QRSL1: variants seen among roughly 807,000 people sequenced by gnomAD.
The protein encoded by QRSL1 is glutamyl-tRNA(Gln) amidotransferase subunit A, mitochondrial.
QRSL1 carries 54 observed loss-of-function variants against 61.6 expected under a neutral mutation model. The observed-to-expected ratio is 0.88, with a 90% CI of 0.70 to 1.10. The LOEUF (loss-of-function observed/expected upper bound fraction) is 1.10. QRSL1 is among the 50% of genes least tolerant of loss of function. The pLI, the probability that QRSL1 is intolerant of heterozygous loss-of-function variation, is 0.00. For missense variants in QRSL1, 505 were observed against 622.6 expected, an observed-to-expected ratio of 0.81 and a Z score of 2.01; for synonymous variants, 228 against 225.7, an observed-to-expected ratio of 1.01 and a Z score of -0.09.
chr6:106,639,136 T>TTTG (rs1562165156), intron 1 of QRSL1, among the ~76,000 whole-genome samples: 1 of 84,644 alleles, frequency 1.2e-5, no homozygotes, highest in Admixed American at 1.1e-4. Flanking sequence ...TTTTTTTTTT[T>TTTG]TTTTTTTTTT....
intron 9 of QRSL1, among the ~76,000 whole-genome samples, chr6:106,656,122 T>G (rs542736872): frequency 1.3e-5 from 2 of 152,240 alleles, no homozygotes; most frequent in Non-Finnish European, 2.9e-5. Context: ...AATCTAGGGA[T>G]AATTTTAAAC....
At position 106,666,982 on chromosome 6, in the gene QRSL1, C is replaced by T. The variant is rs553782703; in HGVS notation, c.*980C>T. On this transcript the variant is annotated 3_prime_UTR_variant, in exon 11 of 11. Coordinates refer to ENST00000369046, the MANE Select transcript of QRSL1 (RefSeq NM_018292.5). ...GAGTTACAATTTTACTTCTGCTATT[C>T]CGGAGCCCATGCCTAGAAGCCAGAA... 7.9e-5 allele frequency: 12 copies of T among 152,292 alleles called. No individual in the cohort carries two copies. In the South Asian group the frequency reaches 2.3e-3, roughly 29 times the overall value. The allele number at this position is 152,292 out of a possible 1,614,324, so 9.4% of individuals were successfully genotyped here.
At chr6:106,647,712 G>T (rs55978084) in intron 4 of QRSL1, among the ~76,000 whole-genome samples, 3 of 128,628 alleles carry the variant, frequency 2.3e-5, no homozygotes, top group African/African-American at 8.9e-5. Flanking sequence ...GTGCAGTGGC[G>T]CGATCTCGGC....
intron 1 of QRSL1, among the ~76,000 whole-genome samples, chr6:106,631,848 T>A (rs1009340446): frequency 2.0e-5 from 3 of 152,224 alleles, no homozygotes; most frequent in African/African-American, 7.2e-5. Context: ...TTTTTAAACG[T>A]ACAATAAACT....
intron 3 of QRSL1, chr6:106,642,400 T>G: frequency 2.0e-6 from 1 of 490,616 alleles, no homozygotes; most frequent in Admixed American, 2.7e-5. Flanking sequence ...CTGTTTTGTT[T>G]CCTATAAAAA....
At chr6:106,638,880 CA>C (rs562248962) in intron 1 of QRSL1, among the ~76,000 whole-genome samples, 2 of 152,156 alleles carry the variant, frequency 1.3e-5, no homozygotes, top group Non-Finnish European at 2.9e-5. Context: ...ATTTTCCCCT[CA>C]AATGCAAACT....
chr6:106,667,715 T>TA lies in QRSL1; in HGVS notation c.*1714dup. On this transcript the variant is annotated 3_prime_UTR_variant, in exon 11 of 11. Coordinates refer to ENST00000369046, the MANE Select transcript of QRSL1 (RefSeq NM_018292.5). ...CCTGATTAACTTCACATAAAAGTCT[T>TA]ATGTGCCAGGCTTAGTAATATTCCT... 6.6e-6 allele frequency: 1 copy of TA among 152,220 alleles called. No homozygotes were observed. Among genetic ancestry groups the TA allele is most frequent in the East Asian group, 1.9e-4 (1 of 5,184 alleles). 9.4% of individuals were successfully genotyped at this position (152,220 alleles called of 1,614,324 possible).
Position 106,646,385 on chromosome 6 carries a change from G to T in QRSL1, c.381-2640G>T, listed in dbSNP as rs145810175. ...TGACTCTAATAATGGGGAAACAAAA[G>T]ATAAATCCAAAATGAGAACCATTCT... On this transcript the variant is annotated intron_variant, in intron 4 of 10. Transcript: ENST00000369046. Among the ~76,000 whole-genome samples the T allele has an allele frequency of 9.7e-3, 1,477 of 152,108 alleles. 58 individuals carry two copies. The highest frequency in any genetic ancestry group is 0.064 in the Admixed American group (984 of 15,278).
intron 3 of QRSL1, chr6:106,642,339 A>G: frequency 3.0e-6 from 1 of 332,554 alleles, no homozygotes; most frequent in South Asian, 3.1e-5. Context: ...TACAGGCGTG[A>G]GCCACCCCGC....
At chr6:106,649,340 T>G in intron 5 of QRSL1, 139 bp downstream of exon 5, 1 of 794,110 alleles carries the variant, frequency 1.3e-6, no homozygotes, top group Non-Finnish European at 1.9e-6. Context: ...ATATCAAAAT[T>G]ATATCTTGAG....
chr6:106,649,219 A>G lies in QRSL1; in HGVS notation c.557+18A>G, dbSNP rs1015785054. On this transcript the variant is annotated intron_variant, in intron 5 of 10. Coordinates refer to ENST00000369046, the MANE Select transcript of QRSL1 (RefSeq NM_018292.5). Reference sequence around the variant, plus strand: ...TGCTACGCGTAAGATGCTTTTCTCTATCTGTATTTTAAAACCCACCCAAAT... The same window carrying G: ...TGCTACGCGTAAGATGCTTTTCTCTGTCTGTATTTTAAAACCCACCCAAAT... 2.5e-6 allele frequency: 4 copies of G among 1,607,946 alleles called. No individual in the cohort carries two copies. The highest frequency in any genetic ancestry group is 3.4e-6 in the Non-Finnish European group (4 of 1,177,286).
intron 9 of QRSL1, 39 bp from the exon 10 acceptor site, chr6:106,662,941 A>C: frequency 6.7e-7 from 1 of 1,494,294 alleles, no homozygotes; most frequent in African/African-American, 1.4e-5. Flanking sequence ...AGAAAAATAC[A>C]AAAAATCCTT....
rs374376224 is a variant in QRSL1 at position 106,665,930 on chromosome 6, T to C, written c.1515T>C (p.Leu505=). The change falls in exon 11 of 11, where the codon CTT becomes CTC. Residue 505 remains leucine, a synonymous_variant. Transcript: ENST00000369046. Reference sequence around the variant, plus strand: ...AAGTACAGTTTCCTGTTATTCAACTTCAAGAACTCATGGATGATTGTTCAG... The same window carrying C: ...AAGTACAGTTTCCTGTTATTCAACTCCAAGAACTCATGGATGATTGTTCAG... ...EKQVQFPVIQ[L]QELMDDCSAV... The C allele has an allele frequency of 8.0e-5, 129 of 1,613,874 alleles. 1 individual carries two copies. The highest frequency in any genetic ancestry group is 1.0e-4 in the Non-Finnish European group (120 of 1,179,878).
At chr6:106,647,486 G>A (rs1359803713) in intron 4 of QRSL1, among the ~76,000 whole-genome samples, 1 of 148,396 alleles carries the variant, frequency 6.7e-6, no homozygotes, top group Admixed American at 6.7e-5. Context: ...TTGAAACCGG[G>A]AGGCGGAGCT....
intron 10 of QRSL1, among the ~76,000 whole-genome samples, chr6:106,663,919 T>C (rs1171856201): frequency 6.6e-6 from 1 of 152,098 alleles, no homozygotes; most frequent in African/African-American, 2.4e-5. Flanking sequence ...TATATTTGCT[T>C]TGCCCTTCTC....
In QRSL1 at chr6:106,642,979, CTA is replaced by C; in HGVS notation, c.284-14_284-13del. The C allele has an allele frequency of 6.5e-7, 1 of 1,546,278 alleles. No individual in the cohort carries two copies. Among genetic ancestry groups the C allele is most frequent in the South Asian group, 1.2e-5 (1 of 85,186 alleles). On this transcript the variant is annotated splice_polypyrimidine_tract_variant and intron_variant, in intron 3 of 10. Coordinates refer to ENST00000369046, the MANE Select transcript of QRSL1 (RefSeq NM_018292.5). ...TGGACTGTAAAAAAAATAATAGTAA[CTA>C]AATTTTTTTCAGGTTATATACCACC... is the stretch of plus-strand genomic sequence containing the variant.
At chr6:106,633,352 C>A (rs1332119378) in intron 1 of QRSL1, among the ~76,000 whole-genome samples, 1 of 152,132 alleles carries the variant, frequency 6.6e-6, no homozygotes, top group Non-Finnish European at 1.5e-5. Context: ...TAAATATGTA[C>A]AGATGCCTGG....
At chr6:106,633,211 T>C (rs1776865005) in intron 1 of QRSL1, among the ~76,000 whole-genome samples, 1 of 152,222 alleles carries the variant, frequency 6.6e-6, no homozygotes, top group Non-Finnish European at 1.5e-5. Flanking sequence ...TATTTGGTGG[T>C]TATTTCCCCA....
intron 9 of QRSL1, 56 bp downstream of exon 9, chr6:106,655,788 T>C: frequency 9.9e-7 from 1 of 1,011,364 alleles, no homozygotes; most frequent in South Asian, 1.3e-5. Context: ...GTAACATGTC[T>C]CTTATCAGGT....
Sources: gnomAD v4.1 joint callset for allele counts (sites outside exome capture counted in the v4.1 genomes callset) on GRCh38, gnomAD v4.1.1 for gene constraint, MANE v1.5 for transcripts, NCBI Gene and HGNC (gene_info 2026-07-23, HGNC 2026-07-21) for gene names.